CHRNA6: variants seen among roughly 807,000 people sequenced by gnomAD.
CHRNA6 encodes neuronal acetylcholine receptor subunit alpha-6.
A neutral mutation model predicts 40.9 loss-of-function variants in CHRNA6; 31 were observed. That is an observed-to-expected ratio of 0.76 (90% confidence interval 0.57 to 1.02). CHRNA6 has a LOEUF of 1.02. CHRNA6 is among the 50% of genes least tolerant of loss of function. The pLI is 0.00. For synonymous variants in CHRNA6, 222 were observed against 221.3 expected, an observed-to-expected ratio of 1.00 and a Z score of -0.03; for missense variants, 546 against 596.6, an observed-to-expected ratio of 0.92 and a Z score of 0.88.
intron 5 of CHRNA6, among the ~76,000 whole-genome samples, chr8:42,754,914 A>C (rs574215409): frequency 2.0e-5 from 3 of 151,178 alleles, no homozygotes; most frequent in African/African-American, 7.3e-5. Context: ...GAACGAATGC[A>C]CTCTCGCCCT....
At chr8:42,756,874 A>G (rs1816811915) in intron 4 of CHRNA6, 50 bp from the exon 5 acceptor site, 1 of 1,612,058 alleles carries the variant, frequency 6.2e-7, no homozygotes, top group East Asian at 2.2e-5. Context: ...GCTATAGGCC[A>G]GAATACACCA....
At chr8:42,761,652 G>C (rs919796116) in intron 2 of CHRNA6, among the ~76,000 whole-genome samples, 22 of 152,206 alleles carry the variant, frequency 1.4e-4, no homozygotes, top group Admixed American at 9.2e-4. Context: ...AGCAGGACCT[G>C]TCTGGCAAGT....
At chr8:42,761,193 G>A (rs912370621) in intron 2 of CHRNA6, among the ~76,000 whole-genome samples, 2 of 152,186 alleles carry the variant, frequency 1.3e-5, no homozygotes, top group African/African-American at 2.4e-5. Flanking sequence ...GGTAAGCCCC[G>A]GGATTTGAAA....
chr8:42,767,391 T>A (rs768733919), intron 1 of CHRNA6, among the ~76,000 whole-genome samples: 43 of 152,256 alleles, frequency 2.8e-4, no homozygotes, highest in Non-Finnish European at 4.4e-4. Flanking sequence ...AATGTGGGGT[T>A]ACTTTTCCTC....
At position 42,755,184 on chromosome 8, in the gene CHRNA6, A is replaced by AT. The variant is rs551656749; in HGVS notation, c.1353+661dup. On this transcript the variant is annotated intron_variant, in intron 5 of 5. Transcript: ENST00000276410. ...CAGGTATGCACCAACACGCCTGCTA[A>AT]TTTTTTTTTTTTTTTTGGTAGTTCA... Among the ~76,000 whole-genome samples the AT allele has an allele frequency of 9.3e-3, 1,280 of 137,112 alleles. 11 individuals are homozygous for AT. The highest frequency in any genetic ancestry group is 0.02 in the African/African-American group (725 of 36,826). 90.0% of individuals were successfully genotyped at this position (137,112 alleles called of 152,430 possible).
Position 42,756,684 on chromosome 8 carries a change from C to T in CHRNA6, c.515G>A (p.Cys172Tyr). The T allele has an allele frequency of 1.2e-6, 2 of 1,614,170 alleles. No homozygotes were observed. The highest frequency in any genetic ancestry group is 2.2e-5 in the South Asian group (2 of 91,078). Residue 172 changes from cysteine to tyrosine, a missense_variant, in exon 5 of 6, where the codon TGT becomes TAT. Coordinates refer to ENST00000276410, the MANE Select transcript of CHRNA6 (RefSeq NM_004198.3). ...ITFFPFDHQN[C>Y]SLKFGSWTYD... Reference sequence around the variant, plus strand: ...CGTCCAGGAACCAAATTTTAGGGAACAGTTTTGATGATCAAAAGGGAAAAA... The same window carrying T: ...CGTCCAGGAACCAAATTTTAGGGAATAGTTTTGATGATCAAAAGGGAAAAA...
intron 3 of CHRNA6, among the ~76,000 whole-genome samples, chr8:42,757,568 CAA>C (rs1554594122): frequency 8.7e-6 from 1 of 115,124 alleles, no homozygotes. Flanking sequence ...ACTAAAAATA[CAA>C]AAAAAAAAAA....
chr8:42,757,345 G>A (rs1474075411), intron 3 of CHRNA6, among the ~76,000 whole-genome samples: 1 of 136,558 alleles, frequency 7.3e-6, no homozygotes, highest in Non-Finnish European at 1.5e-5. Flanking sequence ...CAGCCTGGGT[G>A]ACTCTATCTG....
At chr8:42,760,118 A>C (rs748575406) in intron 2 of CHRNA6, among the ~76,000 whole-genome samples, 3 of 152,190 alleles carry the variant, frequency 2.0e-5, no homozygotes, top group Non-Finnish European at 4.4e-5. Context: ...TAAAATTACT[A>C]ATACATCTAT....
intron 2 of CHRNA6, 81 bp downstream of exon 2, chr8:42,764,984 T>C: frequency 1.4e-6 from 2 of 1,460,010 alleles, no homozygotes; most frequent in Non-Finnish European, 1.9e-6. Context: ...TTTGCATCTA[T>C]CTGTATTTCT....
At chr8:42,755,276 T>C (rs1019637371) in intron 5 of CHRNA6, among the ~76,000 whole-genome samples, 1 of 150,484 alleles carries the variant, frequency 6.6e-6, no homozygotes, top group Non-Finnish European at 1.5e-5. Flanking sequence ...TGAATGTTTG[T>C]TTGTTTGTTT....
At chr8:42,767,763 C>T (rs1277563368) in intron 1 of CHRNA6, among the ~76,000 whole-genome samples, 2 of 152,180 alleles carry the variant, frequency 1.3e-5, no homozygotes, top group East Asian at 3.8e-4. Flanking sequence ...CTCTTTAAGA[C>T]ATTTTATAGC....
intron 3 of CHRNA6, among the ~76,000 whole-genome samples, chr8:42,757,290 T>TG (rs1816819068): frequency 6.7e-6 from 1 of 150,278 alleles, no homozygotes; most frequent in South Asian, 2.1e-4. Context: ...CTCTTGAACG[T>TG]GGGGGGCAGA....
At chr8:42,758,459 A>C (rs1816844723) in intron 3 of CHRNA6, among the ~76,000 whole-genome samples, 1 of 151,912 alleles carries the variant, frequency 6.6e-6, no homozygotes, top group African/African-American at 2.4e-5. Flanking sequence ...CTACTGGTTC[A>C]AGCGATTCTC....
intron 1 of CHRNA6, among the ~76,000 whole-genome samples, chr8:42,766,848 C>G (rs1816983015): frequency 6.6e-6 from 1 of 152,204 alleles, no homozygotes; most frequent in Non-Finnish European, 1.5e-5. Context: ...ACCTATGTAA[C>G]AAAGCTGCAC....
chr8:42,757,182 A>G, intron 3 of CHRNA6, 145 bp from the exon 4 acceptor site: 1 of 622,238 alleles, frequency 1.6e-6, no homozygotes, highest in Non-Finnish European at 2.8e-6. Context: ...CCTGGCCAGC[A>G]TAGTGAAACC....
Position 42,759,087 on chromosome 8 carries a change from G to A in CHRNA6, c.246C>T (p.Thr82=), listed in dbSNP as rs550738238. The change falls in exon 3 of 6, where the codon ACC becomes ACT. Residue 82 remains threonine (T), a synonymous_variant. Transcript: ENST00000276410. Reference sequence around the variant, plus strand: ...CACATACGTGACGCAGCCACAAATTGGTTTCCATGATCTGGTTTACTTCAT... The same window carrying A: ...CACATACGTGACGCAGCCACAAATTAGTTTCCATGATCTGGTTTACTTCAT... The part of the protein sequence containing the change: ...NVDEVNQIME[T]NLWLRHIWND... The A allele has an allele frequency of 2.4e-5, 38 of 1,613,400 alleles. No individual in the cohort carries two copies. The East Asian group carries it at 7.8e-4, about 33-fold the overall frequency.
At chr8:42,757,850 G>A (rs1484478264) in intron 3 of CHRNA6, among the ~76,000 whole-genome samples, 2 of 151,284 alleles carry the variant, frequency 1.3e-5, no homozygotes, top group Non-Finnish European at 2.9e-5. Context: ...TGCCTAACAC[G>A]GTGAAACCCC....
chr8:42,753,431 A>G (rs978667304), intron 5 of CHRNA6, 121 bp from the exon 6 acceptor site: 1 of 943,728 alleles, frequency 1.1e-6, no homozygotes, highest in African/African-American at 1.7e-5. Context: ...TTTTAAAGCA[A>G]ATATCAGCTG....
Sources: allele counts gnomAD v4.1 joint callset (sites outside exome capture counted in the v4.1 genomes callset), GRCh38; gene constraint gnomAD v4.1.1; transcripts MANE v1.5; gene names NCBI Gene and HGNC (gene_info 2026-07-23, HGNC 2026-07-21).